ST3GAL3: variants seen among roughly 807,000 people sequenced by gnomAD.
ST3GAL3 encodes ST3 beta-galactoside alpha-2,3-sialyltransferase 3.
A neutral mutation model predicts 50.1 loss-of-function variants in ST3GAL3; 21 were observed. The ratio of observed to expected loss-of-function variants is 0.42; its 90% CI spans 0.30 to 0.60. The LOEUF is 0.60. Ranked by LOEUF, ST3GAL3 falls within the 20% of genes least tolerant of loss-of-function variation. ST3GAL3 has a pLI of 0.19. For synonymous variants in ST3GAL3, 183 were observed against 190.0 expected (o/e 0.96, Z 0.30); for missense variants, 353 against 489.4 (o/e 0.72, Z 2.63).
intron 2 of ST3GAL3, among the ~76,000 whole-genome samples, chr1:43,765,776 TGTGTGTGTGCGCGC>T (rs1345676286): frequency 4.4e-5 from 6 of 135,282 alleles, no homozygotes; most frequent in Admixed American, 7.1e-5. Context: ...TGTGTGTGTG[TGTGTGTGTGCGCGC>T]GCGCGCGCGC....
At chr1:43,822,424 G>A (rs2062223173) in intron 4 of ST3GAL3, among the ~76,000 whole-genome samples, 1 of 152,184 alleles carries the variant, frequency 6.6e-6, no homozygotes, top group Non-Finnish European at 1.5e-5. Context: ...TGCCATGTGG[G>A]CAAGAGCATG....
chr1:43,708,777 T>C (rs372965417), intron 1 of ST3GAL3, among the ~76,000 whole-genome samples: 3 of 152,218 alleles, frequency 2.0e-5, no homozygotes, highest in Non-Finnish European at 1.5e-5. Context: ...AACCATGGTT[T>C]AATAAAAATA....
intron 5 of ST3GAL3, among the ~76,000 whole-genome samples, chr1:43,865,360 T>A (rs2071083308): frequency 6.6e-6 from 1 of 152,172 alleles, no homozygotes; most frequent in Non-Finnish European, 1.5e-5. Flanking sequence ...TTCCTCTCTG[T>A]CTCTGACATA....
At chr1:43,876,741 C>A (rs2074187432) in intron 5 of ST3GAL3, among the ~76,000 whole-genome samples, 1 of 152,194 alleles carries the variant, frequency 6.6e-6, no homozygotes. Context: ...GTGCTCATTG[C>A]ATGTGGATGG....
intron 9 of ST3GAL3, chr1:43,913,601 C>G (rs1203030626): frequency 6.6e-6 from 1 of 152,024 alleles, no homozygotes; most frequent in Non-Finnish European, 1.5e-5. Context: ...ATTTTTGTGG[C>G]TGGGGAAACA....
intron 4 of ST3GAL3, among the ~76,000 whole-genome samples, chr1:43,818,462 G>C (rs1401225848): frequency 6.6e-6 from 1 of 152,202 alleles, no homozygotes; most frequent in East Asian, 1.9e-4. Flanking sequence ...AGAAATAAAT[G>C]CAGACTTTCC....
intron 2 of ST3GAL3, among the ~76,000 whole-genome samples, chr1:43,747,505 C>A (rs910727614): frequency 6.6e-6 from 1 of 151,790 alleles, no homozygotes; most frequent in Non-Finnish European, 1.5e-5. Context: ...ATGCCACTCT[C>A]CCGCACCTCC....
chr1:43,884,224 G>A (rs2075613832), intron 5 of ST3GAL3, among the ~76,000 whole-genome samples: 1 of 152,122 alleles, frequency 6.6e-6, no homozygotes, highest in Non-Finnish European at 1.5e-5. Context: ...AACAGGCTTG[G>A]AATAGTACTT....
chr1:43,736,113 T>C (rs897384255), intron 1 of ST3GAL3, 120 bp from the exon 2 acceptor site: 110 of 959,546 alleles, frequency 1.1e-4, no homozygotes, highest in Non-Finnish European at 1.7e-4. Flanking sequence ...TGCCATGATA[T>C]GAAAGTGATA....
intron 3 of ST3GAL3, among the ~76,000 whole-genome samples, chr1:43,812,663 T>C (rs2060698329): frequency 6.6e-6 from 1 of 152,178 alleles, no homozygotes; most frequent in South Asian, 2.1e-4. Flanking sequence ...TGAGGGCTCA[T>C]TATGCTACCG....
At chr1:43,889,347 G>C (rs1282708418) in intron 5 of ST3GAL3, among the ~76,000 whole-genome samples, 1 of 152,122 alleles carries the variant, frequency 6.6e-6, no homozygotes, top group Admixed American at 6.6e-5. Context: ...TTCTTTGAAT[G>C]TATTTTGTTT....
At chr1:43,735,838 G>A (rs1678166501) in intron 1 of ST3GAL3, among the ~76,000 whole-genome samples, 1 of 152,228 alleles carries the variant, frequency 6.6e-6, no homozygotes, top group African/African-American at 2.4e-5. Flanking sequence ...GACTTCTTGT[G>A]CCATGTGGAA....
intron 5 of ST3GAL3, among the ~76,000 whole-genome samples, chr1:43,881,596 G>C (rs886308576): frequency 6.6e-6 from 1 of 152,174 alleles, no homozygotes; most frequent in South Asian, 2.1e-4. Flanking sequence ...AGAGTCAGTG[G>C]GAGCCTGTCA....
At chr1:43,883,818 C>G (rs1460297564) in intron 5 of ST3GAL3, among the ~76,000 whole-genome samples, 1 of 152,204 alleles carries the variant, frequency 6.6e-6, no homozygotes, top group Admixed American at 6.5e-5. Flanking sequence ...CTCTTCTCTT[C>G]TGTGCCTTTG....
intron 3 of ST3GAL3, among the ~76,000 whole-genome samples, chr1:43,808,939 G>A (rs2060221161): frequency 6.6e-6 from 1 of 152,150 alleles, no homozygotes; most frequent in African/African-American, 2.4e-5. Flanking sequence ...TAGCAGTGGG[G>A]CAAAATTAGT....
At chr1:43,798,672 CCTT>C (rs1311780800) in intron 3 of ST3GAL3, among the ~76,000 whole-genome samples, 3 of 152,188 alleles carry the variant, frequency 2.0e-5, no homozygotes, top group Non-Finnish European at 4.4e-5. Flanking sequence ...TCTAACCAGT[CCTT>C]CTCTAAAAAA....
At chr1:43,771,557 A>G (rs938289195) in intron 2 of ST3GAL3, among the ~76,000 whole-genome samples, 1 of 151,916 alleles carries the variant, frequency 6.6e-6, no homozygotes, top group African/African-American at 2.4e-5. Context: ...CGGGATTTCA[A>G]CGTGTTAGCC....
chr1:43,833,157 G>C (rs1573881652), intron 4 of ST3GAL3, among the ~76,000 whole-genome samples: 2 of 152,158 alleles, frequency 1.3e-5, no homozygotes, highest in East Asian at 3.8e-4. Flanking sequence ...CTGATCTGTA[G>C]AGTCCTCAGG....
At chr1:43,882,448 TC>T (rs1263458836) in intron 5 of ST3GAL3, among the ~76,000 whole-genome samples, 5 of 152,110 alleles carry the variant, frequency 3.3e-5, no homozygotes, top group Non-Finnish European at 7.4e-5. Context: ...GTTGGTAATA[TC>T]CCATGTCAAA....
Sources: allele counts gnomAD v4.1 joint callset (sites outside exome capture counted in the v4.1 genomes callset), GRCh38; gene constraint gnomAD v4.1.1; transcripts MANE v1.5; gene names NCBI Gene and HGNC (gene_info 2026-07-23, HGNC 2026-07-21).